BCAS4: variants seen among roughly 807,000 people sequenced by gnomAD.
BCAS4 encodes breast carcinoma amplified sequence 4, also known as breast carcinoma-amplified sequence 4.
A neutral mutation model predicts 15.7 loss-of-function variants in BCAS4; 9 were observed. The ratio of observed to expected loss-of-function variants is 0.57; its 90% confidence interval spans 0.34 to 1.00. The LOEUF (loss-of-function observed/expected upper bound fraction) is 1.00, where lower values mean the gene tolerates loss of function less well. Ranked by LOEUF, BCAS4 falls within the 50% of genes least tolerant of loss-of-function variation. The pLI is 0.02. For synonymous variants in BCAS4, 101 were observed against 99.5 expected (o/e 1.02, Z -0.09); for missense variants, 225 against 239.1 (o/e 0.94, Z 0.39).
intron 4 of BCAS4, among the ~76,000 whole-genome samples, chr20:50,871,680 T>C (rs1205509299): frequency 6.6e-6 from 1 of 152,228 alleles, no homozygotes; most frequent in African/African-American, 2.4e-5. Flanking sequence ...TTGCCGCGTC[T>C]TCTAACTCTG....
intron 1 of BCAS4, among the ~76,000 whole-genome samples, chr20:50,810,365 C>T (rs547776970): frequency 5.9e-5 from 9 of 151,950 alleles, no homozygotes; most frequent in Non-Finnish European, 1.2e-4. Context: ...ACCTCTTCAC[C>T]GGAGTTGCTG....
Position 50,850,607 on chromosome 20 carries a change from G to A in BCAS4, c.399+8707G>A, listed in dbSNP as rs568754275. The stretch of plus-strand genomic sequence containing the variant: ...GGGAGGAAGTTCCTTCTGACAGCAA[G>A]TAGTTTTTATTTGGGGGGGTTGCTC... On this transcript the variant is annotated intron_variant, in intron 4 of 4. Coordinates refer to ENST00000371608, the MANE Select transcript of BCAS4 (RefSeq NM_198799.4). Among the ~76,000 whole-genome samples the A allele has an allele frequency of 2.6e-5, 4 of 151,630 alleles. No homozygotes were observed. The South Asian group carries it at 8.4e-4, about 32-fold the overall frequency.
Position 50,802,799 on chromosome 20 carries a change from G to A in BCAS4, c.90+7626G>A, listed in dbSNP as rs1012230435. 3.9e-5 allele frequency among the ~76,000 whole-genome samples: 6 copies of A among 152,120 alleles called. No individual in the cohort carries two copies. The East Asian group carries it at 7.7e-4, about 20-fold the overall frequency. ...TGAGGCAGGAGAATCATTTGAACCC[G>A]GGAGGCAGAGTTTGTGGTGAGCCGA... is the stretch of plus-strand genomic sequence containing the variant. On this transcript the variant is annotated intron_variant, in intron 1 of 4. Coordinates refer to ENST00000371608, the MANE Select transcript of BCAS4 (RefSeq NM_198799.4).
At chr20:50,814,548 G>A (rs1274779393) in intron 1 of BCAS4, among the ~76,000 whole-genome samples, 2 of 152,214 alleles carry the variant, frequency 1.3e-5, no homozygotes, top group Non-Finnish European at 2.9e-5. Flanking sequence ...GCCTCCCAGC[G>A]TTGGGATTAC....
chr20:50,852,990 G>C (rs1568678320), intron 4 of BCAS4, among the ~76,000 whole-genome samples: 1 of 152,124 alleles, frequency 6.6e-6, no homozygotes, highest in Non-Finnish European at 1.5e-5. Context: ...AAGGGGTTCT[G>C]GGTGAGTGCC....
intron 1 of BCAS4, among the ~76,000 whole-genome samples, chr20:50,806,781 G>A (rs937372278): frequency 2.0e-5 from 3 of 151,650 alleles, no homozygotes; most frequent in Admixed American, 2.0e-4. Flanking sequence ...AGGCATGCAA[G>A]GTGAAATGAG....
chr20:50,856,189 T>A (rs1490281344), intron 4 of BCAS4, among the ~76,000 whole-genome samples: 2 of 152,226 alleles, frequency 1.3e-5, no homozygotes, highest in Non-Finnish European at 2.9e-5. Flanking sequence ...TGCAGACTCC[T>A]GCCTGCTGCC....
At chr20:50,807,180 C>T (rs2088001373) in intron 1 of BCAS4, among the ~76,000 whole-genome samples, 2 of 149,934 alleles carry the variant, frequency 1.3e-5, no homozygotes, top group Non-Finnish European at 3.0e-5. Context: ...CCCAATTACA[C>T]TCTTTAAGTT....
Position 50,854,253 on chromosome 20 carries a change from C to T in BCAS4, c.399+12353C>T, listed in dbSNP as rs150068003. Among the ~76,000 whole-genome samples, 51 of 152,064 alleles carry T rather than the reference C, an allele frequency of 3.4e-4. No individual in the cohort carries two copies. In the East Asian group the frequency reaches 9.5e-3, roughly 28 times the overall value. On this transcript the variant is annotated intron_variant, in intron 4 of 4. Coordinates refer to ENST00000371608, the MANE Select transcript of BCAS4 (RefSeq NM_198799.4). ...GGCCTTGGGAGAGTCTCAACCTCCC[C>T]CTCTGTGAAATGGGTGGCAGTTCTC... is the stretch of plus-strand genomic sequence containing the variant.
intron 1 of BCAS4, among the ~76,000 whole-genome samples, chr20:50,796,470 TATATATATA>T (rs2087860026): frequency 2.4e-4 from 3 of 12,630 alleles, no homozygotes; most frequent in African/African-American, 3.3e-4. Flanking sequence ...TATATATATA[TATATATATA>T]TATATATATT....
chr20:50,848,725 G>A (rs539207438), intron 4 of BCAS4, among the ~76,000 whole-genome samples: 2 of 152,240 alleles, frequency 1.3e-5, no homozygotes, highest in East Asian at 1.9e-4. Context: ...AGCAGGGCAC[G>A]TGGGTGCCCT....
At chr20:50,836,806 C>T (rs1326719900) in intron 3 of BCAS4, among the ~76,000 whole-genome samples, 2 of 152,220 alleles carry the variant, frequency 1.3e-5, no homozygotes, top group Non-Finnish European at 2.9e-5. Flanking sequence ...TTCCTGGCCT[C>T]AACCGATCCT....
chr20:50,848,412 T>G (rs1285720947), intron 4 of BCAS4, among the ~76,000 whole-genome samples: 1 of 152,140 alleles, frequency 6.6e-6, no homozygotes, highest in Non-Finnish European at 1.5e-5. Context: ...GAACTGCCAT[T>G]GCAGAATCTC....
At chr20:50,859,226 G>A (rs2038014219) in intron 4 of BCAS4, among the ~76,000 whole-genome samples, 1 of 152,182 alleles carries the variant, frequency 6.6e-6, no homozygotes, top group Non-Finnish European at 1.5e-5. Flanking sequence ...ACAGGCTTGA[G>A]CGACCACGCC....
chr20:50,825,852 G>A (rs1178300841), intron 2 of BCAS4, among the ~76,000 whole-genome samples: 3 of 152,170 alleles, frequency 2.0e-5, no homozygotes, highest in Admixed American at 1.3e-4. Flanking sequence ...ACTCCAGCCT[G>A]GGAGAGAGAG....
intron 3 of BCAS4, among the ~76,000 whole-genome samples, chr20:50,835,998 A>C (rs764023741): frequency 3.0e-4 from 45 of 151,360 alleles, no homozygotes; most frequent in African/African-American, 1.1e-3. Context: ...GCTCACTGCA[A>C]CCTCTGCCTC....
At chr20:50,836,336 T>G (rs2088409933) in intron 3 of BCAS4, among the ~76,000 whole-genome samples, 1 of 152,188 alleles carries the variant, frequency 6.6e-6, no homozygotes, top group Admixed American at 6.5e-5. Context: ...GGGGCTCTGA[T>G]CTGCCCCTTT....
intron 4 of BCAS4, among the ~76,000 whole-genome samples, chr20:50,854,219 C>T (rs932746231): frequency 2.0e-5 from 3 of 151,876 alleles, no homozygotes; most frequent in Non-Finnish European, 4.4e-5. Flanking sequence ...TGCTGCTGGC[C>T]GGCTCCATGG....
chr20:50,823,120 A>G (rs902615448), intron 2 of BCAS4, among the ~76,000 whole-genome samples: 1 of 151,302 alleles, frequency 6.6e-6, no homozygotes, highest in Non-Finnish European at 1.5e-5. Context: ...CGGGTGGATC[A>G]CCTGAGGTCA....
Sources: allele counts gnomAD v4.1 joint callset (sites outside exome capture counted in the v4.1 genomes callset), GRCh38; gene constraint gnomAD v4.1.1; transcripts MANE v1.5; gene names NCBI Gene and HGNC (gene_info 2026-07-23, HGNC 2026-07-21).